The following EPS15L1 variants were observed in gnomAD, a reference collection of about 807,000 sequenced individuals.
EPS15L1 encodes the protein epidermal growth factor receptor substrate 15-like 1.
EPS15L1 carries 43 observed loss-of-function variants against 117.1 expected under a neutral mutation model. The observed-to-expected ratio is 0.37, with a 90% CI of 0.29 to 0.47. The LOEUF is 0.47. Ranked by LOEUF, EPS15L1 falls within the 20% of genes least tolerant of loss-of-function variation. EPS15L1 has a pLI of 0.99. For synonymous variants in EPS15L1, 459 were observed against 470.5 expected (o/e 0.98, Z 0.32); for missense variants, 981 against 1,164.0 (o/e 0.84, Z 2.29).
intron 1 of EPS15L1, among the ~76,000 whole-genome samples, chr19:16,456,691 T>C (rs900135054): frequency 6.8e-6 from 1 of 146,666 alleles, no homozygotes; most frequent in Non-Finnish European, 1.5e-5. Context: ...AAACAAAAAA[T>C]AGAGTCCTGG....
At chr19:16,411,001 T>C (rs1300704135) in intron 13 of EPS15L1, among the ~76,000 whole-genome samples, 1 of 152,182 alleles carries the variant, frequency 6.6e-6, no homozygotes, top group Non-Finnish European at 1.5e-5. Context: ...ACAATATGGA[T>C]GACCCTCAAA....
chr19:16,437,645 C>T (rs2092991094), intron 5 of EPS15L1, 125 bp downstream of exon 5: 2 of 697,646 alleles, frequency 2.9e-6, no homozygotes, highest in Middle Eastern at 2.5e-4. Context: ...ATGTGAATTT[C>T]ACCACAATAA....
intron 13 of EPS15L1, among the ~76,000 whole-genome samples, chr19:16,410,131 CT>C (rs1310846793): frequency 2.3e-5 from 3 of 132,380 alleles, no homozygotes; most frequent in African/African-American, 9.0e-5. Context: ...GAGACTCCGT[CT>C]CAAAAAAAAA....
Position 16,471,940 on chromosome 19 carries a change from C to T in EPS15L1, c.6G>A (p.Ala2=), listed in dbSNP as rs1169188488. 3 of 1,289,866 alleles carry T rather than the reference C, an allele frequency of 2.3e-6. No homozygotes were observed. In the African/African-American group the frequency reaches 4.6e-5, roughly 20 times the overall value. The allele number at this position is 1,289,866 out of a possible 1,614,324, so 79.9% of individuals were successfully genotyped here. Residue 2 remains alanine, a synonymous_variant, in exon 1 of 24, where the codon GCG becomes GCA. Transcript: ENST00000455140. This position sits in a 1 kb window ranked among gnomAD's most constrained non-coding sequence, Gnocchi z 4.8. M[A]APLIPLSQQI... ...GCTGGGAGAGGGGGATGAGCGGCGC[C>T]GCCATCTTCCCGCGGACTCGGGCTC... is the stretch of plus-strand genomic sequence containing the variant.
intron 19 of EPS15L1, among the ~76,000 whole-genome samples, chr19:16,386,942 C>T (rs1214224966): frequency 6.6e-6 from 1 of 152,190 alleles, no homozygotes; most frequent in East Asian, 1.9e-4. Context: ...GAACGCTCAC[C>T]ATGTATCAGA....
intron 22 of EPS15L1, among the ~76,000 whole-genome samples, chr19:16,367,753 CAA>C (rs60689307): frequency 6.7e-4 from 34 of 50,678 alleles, no homozygotes; most frequent in Non-Finnish European, 1.0e-3. Context: ...GGGTGCAAAG[CAA>C]AAAAAAAAAA....
At chr19:16,372,800 G>A (rs2092243213) in intron 22 of EPS15L1, among the ~76,000 whole-genome samples, 1 of 152,254 alleles carries the variant, frequency 6.6e-6, no homozygotes, top group African/African-American at 2.4e-5. Context: ...CAGGAAAACT[G>A]AGGCTCAGGG....
chr19:16,461,043 C>T (rs1303311747), intron 1 of EPS15L1, among the ~76,000 whole-genome samples: 21 of 152,192 alleles, frequency 1.4e-4, no homozygotes, highest in Admixed American at 1.4e-3. Context: ...CGGTGGCTCA[C>T]GCCTGTAATC....
chr19:16,430,566 C>T (rs1395997738), intron 7 of EPS15L1, among the ~76,000 whole-genome samples: 2 of 152,366 alleles, frequency 1.3e-5, no homozygotes, highest in East Asian at 3.9e-4. Context: ...CCTGCCCATA[C>T]TAAGCCCTCA....
At chr19:16,455,548 G>A (rs1409129448) in intron 1 of EPS15L1, among the ~76,000 whole-genome samples, 2 of 150,528 alleles carry the variant, frequency 1.3e-5, no homozygotes, top group Non-Finnish European at 3.0e-5. Context: ...AGACTGCCCA[G>A]CTCCATCTAC....
intron 22 of EPS15L1, among the ~76,000 whole-genome samples, chr19:16,368,344 A>G (rs953589330): frequency 1.3e-5 from 2 of 152,194 alleles, no homozygotes; most frequent in Non-Finnish European, 2.9e-5. Flanking sequence ...ACACACATGC[A>G]CAAGCATCAT....
At chr19:16,400,370 A>C (rs531351019) in intron 16 of EPS15L1, among the ~76,000 whole-genome samples, 6 of 151,812 alleles carry the variant, frequency 4.0e-5, no homozygotes, top group Admixed American at 2.6e-4. Context: ...AAAAAAAAAA[A>C]ACCCCTGACT....
intron 8 of EPS15L1, among the ~76,000 whole-genome samples, chr19:16,427,955 G>A (rs2092888739): frequency 6.6e-6 from 1 of 151,476 alleles, no homozygotes; most frequent in African/African-American, 2.4e-5. Context: ...TGTAATCCCA[G>A]CACTTTGGGA....
At chr19:16,367,497 TAAAAAAAAAAAAAA>T (rs71178691) in intron 22 of EPS15L1, among the ~76,000 whole-genome samples, 14 of 65,304 alleles carry the variant, frequency 2.1e-4, no homozygotes, top group South Asian at 1.6e-3. Context: ...TATGTGCTGT[TAAAAAAAAAAAAAA>T]AAAAAAAAAA....
chr19:16,363,855 T>C (rs954145459), intron 22 of EPS15L1, among the ~76,000 whole-genome samples: 3 of 152,214 alleles, frequency 2.0e-5, no homozygotes, highest in African/African-American at 7.2e-5. Context: ...GCATAAGGAC[T>C]GCTGCTTTCT....
chr19:16,361,545 A>C, intron 23 of EPS15L1: 1 of 1,246,362 alleles, frequency 8.0e-7, no homozygotes. Context: ...CCCTGCTGGA[A>C]GAAAACGTGC....
intron 13 of EPS15L1, among the ~76,000 whole-genome samples, chr19:16,406,659 G>A (rs1207574399): frequency 6.6e-6 from 1 of 152,184 alleles, no homozygotes; most frequent in Non-Finnish European, 1.5e-5. Flanking sequence ...AGGACACTAG[G>A]GGCTCCAACA....
At chr19:16,465,734 T>C (rs1338318571) in intron 1 of EPS15L1, among the ~76,000 whole-genome samples, 1 of 152,146 alleles carries the variant, frequency 6.6e-6, no homozygotes, top group Non-Finnish European at 1.5e-5. Context: ...TCTCTACCTT[T>C]TAATGAGATG....
chr19:16,370,523 C>T lies in EPS15L1; in HGVS notation c.2380+6599G>A, dbSNP rs1167473647. 1.3e-5 allele frequency among the ~76,000 whole-genome samples: 2 copies of T among 152,108 alleles called. No homozygotes were observed. The highest frequency in any genetic ancestry group is 4.8e-5 in the African/African-American group (2 of 41,396). On this transcript the variant is annotated intron_variant, in intron 22 of 23. Transcript: ENST00000455140. The surrounding 1 kb of genome is among the most constrained non-coding windows in gnomAD (Gnocchi z 5.2). Reference sequence around the variant, plus strand: ...GAGCCCAGCCACTCTAGGCCTGCACCCCACCCTGCAGCCCCCCAGGCCTCA... The same window carrying T: ...GAGCCCAGCCACTCTAGGCCTGCACTCCACCCTGCAGCCCCCCAGGCCTCA...
Sources: allele counts gnomAD v4.1 joint callset (sites outside exome capture counted in the v4.1 genomes callset), GRCh38; gene constraint gnomAD v4.1.1; non-coding constraint Gnocchi (gnomAD v3.1); transcripts MANE v1.5; gene names NCBI Gene and HGNC (gene_info 2026-07-23, HGNC 2026-07-21).